The following PLEKHM3 variants were observed in gnomAD, a reference collection of about 807,000 sequenced individuals.
PLEKHM3 encodes pleckstrin homology domain-containing family M member 3.
Under a neutral mutation model 81.8 loss-of-function variants are expected in PLEKHM3, and 45 were observed. The ratio of observed to expected loss-of-function variants is 0.55; its 90% CI spans 0.43 to 0.71. The LOEUF (loss-of-function observed/expected upper bound fraction) is 0.71, where lower values mean the gene tolerates loss of function less well. Ranked by LOEUF, PLEKHM3 falls within the 30% of genes least tolerant of loss-of-function variation. The pLI, the probability that PLEKHM3 is intolerant of heterozygous loss-of-function variation, is 0.00. For missense variants in PLEKHM3, 788 were observed against 924.3 expected, an observed-to-expected ratio of 0.85 and a Z score of 1.91; for synonymous variants, 352 against 356.4, an observed-to-expected ratio of 0.99 and a Z score of 0.14.
At chr2:208,011,051 GAATGGCCAT>G (rs1305585604) in intron 1 of PLEKHM3, among the ~76,000 whole-genome samples, 2 of 121,816 alleles carry the variant, frequency 1.6e-5, no homozygotes, top group Non-Finnish European at 3.4e-5. Flanking sequence ...ACTCCTGCAA[GAATGGCCAT>G]AATCAAAAAA....
At chr2:207,867,189 T>C (rs2092506383) in intron 6 of PLEKHM3, among the ~76,000 whole-genome samples, 2 of 152,214 alleles carry the variant, frequency 1.3e-5, no homozygotes, top group Non-Finnish European at 1.5e-5. Context: ...TCAATCGTTC[T>C]GCTGTGTGAT....
intron 1 of PLEKHM3, among the ~76,000 whole-genome samples, chr2:208,016,145 G>A (rs1253799232): frequency 1.3e-5 from 2 of 152,120 alleles, no homozygotes; most frequent in Admixed American, 1.3e-4. Flanking sequence ...AGTGAGCCGA[G>A]ATTGCACCAT....
chr2:207,862,128 A>G (rs2092470665), intron 6 of PLEKHM3, among the ~76,000 whole-genome samples: 1 of 152,146 alleles, frequency 6.6e-6, no homozygotes, highest in African/African-American at 2.4e-5. Flanking sequence ...TTCTCACTTA[A>G]CTAATACCCA....
At chr2:207,984,407 T>C (rs534545299) in intron 2 of PLEKHM3, among the ~76,000 whole-genome samples, 1 of 152,314 alleles carries the variant, frequency 6.6e-6, no homozygotes, top group African/African-American at 2.4e-5. Flanking sequence ...TTTTTTTTTT[T>C]TGAGACGGAG....
chr2:207,831,647 T>C (rs1575261478), intron 7 of PLEKHM3, among the ~76,000 whole-genome samples: 1 of 152,234 alleles, frequency 6.6e-6, no homozygotes, highest in East Asian at 1.9e-4. Flanking sequence ...ACGCCGCCCC[T>C]CACAGGTGAC....
intron 4 of PLEKHM3, among the ~76,000 whole-genome samples, chr2:207,936,835 T>C (rs1292047486): frequency 1.4e-5 from 2 of 145,718 alleles, no homozygotes; most frequent in Non-Finnish European, 3.0e-5. Context: ...AAAGAACTGG[T>C]TAGATAAATT....
chr2:207,976,318 T>C lies in PLEKHM3; in HGVS notation c.1546+333A>G, dbSNP rs1691307115. On this transcript the variant is annotated intron_variant, in intron 3 of 7. Coordinates refer to ENST00000427836, the MANE Select transcript of PLEKHM3 (RefSeq NM_001080475.3). The surrounding 1 kb of genome is among the most constrained non-coding windows in gnomAD (Gnocchi z 4.1). ...ACATCCATATTCACAGTGACCTTTA[T>C]TCAAGAAAGCAGAGGGAATGGAATC... is the stretch of plus-strand genomic sequence containing the variant. Among the ~76,000 whole-genome samples, 1 of 152,206 alleles carries C rather than the reference T, an allele frequency of 6.6e-6. No homozygotes were observed. Among genetic ancestry groups the C allele is most frequent in the South Asian group, 2.1e-4 (1 of 4,830 alleles).
chr2:208,000,705 A>G (rs943846135), intron 2 of PLEKHM3, among the ~76,000 whole-genome samples: 1 of 152,226 alleles, frequency 6.6e-6, no homozygotes, highest in Non-Finnish European at 1.5e-5. Flanking sequence ...GAAAAATACT[A>G]TTAATACATT....
chr2:207,873,442 A>C (rs1242801698), intron 6 of PLEKHM3, among the ~76,000 whole-genome samples: 1 of 152,242 alleles, frequency 6.6e-6, no homozygotes, highest in African/African-American at 2.4e-5. Context: ...TTCAATTTGA[A>C]GATTGTACGA....
At chr2:207,851,740 C>CAAAAAAAAAAAAAAAA (rs10605219) in intron 7 of PLEKHM3, 7 of 64,306 alleles carry the variant, frequency 1.1e-4, no homozygotes, top group African/African-American at 4.3e-4. Flanking sequence ...AACTCCATCT[C>CAAAAAAAAAAAAAAAA]AAAAAAAAAA....
chr2:207,860,555 T>G (rs182570571), intron 7 of PLEKHM3, among the ~76,000 whole-genome samples: 2 of 152,346 alleles, frequency 1.3e-5, no homozygotes, highest in East Asian at 3.9e-4. Flanking sequence ...ATGGATGTGA[T>G]GATGCCCAAA....
In PLEKHM3 at chr2:207,924,447, C is replaced by T. The variant is rs1032677619; in HGVS notation, c.1886+6479G>A. ...TGCCTGTAATCCCAGCACTTGGGGACGCCGAGGCAGGTGGATCACTTGAGG... is the reference window on the plus strand; with the variant it reads ...TGCCTGTAATCCCAGCACTTGGGGATGCCGAGGCAGGTGGATCACTTGAGG... On this transcript the variant is annotated intron_variant, in intron 5 of 7. Coordinates refer to ENST00000427836, the MANE Select transcript of PLEKHM3 (RefSeq NM_001080475.3). 4.6e-5 allele frequency among the ~76,000 whole-genome samples: 7 copies of T among 151,736 alleles called. No individual in the cohort carries two copies. The East Asian group carries it at 5.9e-4, about 13-fold the overall frequency.
intron 3 of PLEKHM3, among the ~76,000 whole-genome samples, chr2:207,949,444 G>A (rs141132097): frequency 6.6e-6 from 1 of 152,338 alleles, no homozygotes; most frequent in Non-Finnish European, 1.5e-5. Flanking sequence ...GAAGGCTGAG[G>A]TGGGAGGAGC....
intron 3 of PLEKHM3, among the ~76,000 whole-genome samples, chr2:207,956,708 GC>G (rs1277295988): frequency 2.3e-5 from 3 of 130,876 alleles, no homozygotes; most frequent in African/African-American, 8.7e-5. Flanking sequence ...ACCACACCTG[GC>G]TGATTAAAAT....
rs549015484 is a variant in PLEKHM3 at position 207,907,474 on chromosome 2, C to T, written c.1950+1040G>A. On this transcript the variant is annotated intron_variant, in intron 6 of 7. Coordinates refer to ENST00000427836, the MANE Select transcript of PLEKHM3 (RefSeq NM_001080475.3). ...CCAAGACCATGCCACTGCACTCCAG[C>T]CTGGGCGACAGAGCAAGACTCTGTC... Among the ~76,000 whole-genome samples the T allele has an allele frequency of 1.5e-3, 222 of 152,236 alleles. 1 individual carries two copies. Among genetic ancestry groups the T allele is most frequent in the Middle Eastern group, 6.8e-3 (2 of 294 alleles).
At chr2:207,955,181 T>G (rs1690461364) in intron 3 of PLEKHM3, among the ~76,000 whole-genome samples, 1 of 152,186 alleles carries the variant, frequency 6.6e-6, no homozygotes, top group African/African-American at 2.4e-5. Flanking sequence ...TTGAGTTACT[T>G]TTAATTTTTC....
intron 4 of PLEKHM3, among the ~76,000 whole-genome samples, chr2:207,939,511 G>A (rs1187036973): frequency 6.6e-6 from 1 of 152,164 alleles, no homozygotes; most frequent in East Asian, 1.9e-4. Flanking sequence ...TAAGGATCAC[G>A]AAGGCTAAGA....
chr2:207,832,081 G>A (rs745680713), intron 7 of PLEKHM3, among the ~76,000 whole-genome samples: 45 of 152,172 alleles, frequency 3.0e-4, no homozygotes, highest in Non-Finnish European at 5.6e-4. Flanking sequence ...TATTTCTGGT[G>A]CAGCAAACAC....
chr2:208,004,200 C>A, intron 1 of PLEKHM3, among the ~76,000 whole-genome samples: 1 of 152,168 alleles, frequency 6.6e-6, no homozygotes, highest in Non-Finnish European at 1.5e-5. Context: ...ATCACTTGAT[C>A]CACCAAGAGT....
Sources: gnomAD v4.1 joint callset for allele counts (sites outside exome capture counted in the v4.1 genomes callset) on GRCh38, gnomAD v4.1.1 for gene constraint, Gnocchi (gnomAD v3.1) non-coding constraint, MANE v1.5 for transcripts, NCBI Gene and HGNC (gene_info 2026-07-23, HGNC 2026-07-21) for gene names.